LDLRAD4: variants seen among roughly 807,000 people sequenced by gnomAD.
LDLRAD4 encodes low-density lipoprotein receptor class A domain-containing protein 4.
In LDLRAD4, 5 loss-of-function variants were observed where a neutral mutation model predicts 17.0. That is an observed-to-expected ratio of 0.29 (90% CI 0.15 to 0.62). The LOEUF (loss-of-function observed/expected upper bound fraction) is 0.62. LDLRAD4 is among the 20% of genes least tolerant of loss of function. LDLRAD4 has a pLI of 0.84. For synonymous variants in LDLRAD4, 168 were observed against 171.8 expected, an observed-to-expected ratio of 0.98 and a Z score of 0.17; for missense variants, 340 against 424.7, an observed-to-expected ratio of 0.80 and a Z score of 1.75.
chr18:13,565,454 G>A (rs936672440), intron 3 of LDLRAD4, among the ~76,000 whole-genome samples: 3 of 152,248 alleles, frequency 2.0e-5, no homozygotes, highest in East Asian at 1.9e-4. Flanking sequence ...ACAAAGGGGC[G>A]CTGCGGTCCT....
chr18:13,545,638 C>T (rs997706152), intron 3 of LDLRAD4, among the ~76,000 whole-genome samples: 6 of 152,114 alleles, frequency 3.9e-5, no homozygotes, highest in South Asian at 2.1e-4. Context: ...ATGAGCAGTG[C>T]GGTTTCTTAG....
chr18:13,223,656 C>T (rs1162878828), intron 1 of LDLRAD4, among the ~76,000 whole-genome samples: 1 of 152,198 alleles, frequency 6.6e-6, no homozygotes, highest in African/African-American at 2.4e-5. Context: ...CGAAGGGCTC[C>T]CTGACCTCTA....
At chr18:13,578,827 C>CTTTTTTTT (rs1003295658) in intron 3 of LDLRAD4, among the ~76,000 whole-genome samples, 2,803 of 65,690 alleles carry the variant, frequency 0.043, 769 homozygotes, top group African/African-American at 0.064. Flanking sequence ...TTGTCCGGGT[C>CTTTTTTTT]TTTTTTTTTT....
chr18:13,583,923 G>T (rs941812954), intron 3 of LDLRAD4, among the ~76,000 whole-genome samples: 1 of 152,116 alleles, frequency 6.6e-6, no homozygotes. Context: ...GGGTCACCTC[G>T]CCCTGCTCCC....
chr18:13,548,616 C>T (rs554080774), intron 3 of LDLRAD4, among the ~76,000 whole-genome samples: 1 of 152,246 alleles, frequency 6.6e-6, no homozygotes, highest in East Asian at 1.9e-4. Context: ...TGGGAGCAGG[C>T]ACTTCCAAGC....
intron 3 of LDLRAD4, among the ~76,000 whole-genome samples, chr18:13,535,186 T>C (rs567621172): frequency 1.3e-5 from 2 of 152,336 alleles, no homozygotes; most frequent in South Asian, 4.1e-4. Context: ...TTTTCTTTGT[T>C]AAATACCTGA....
At chr18:13,450,866 T>C (rs2091789975) in intron 3 of LDLRAD4, among the ~76,000 whole-genome samples, 1 of 152,078 alleles carries the variant, frequency 6.6e-6, no homozygotes, top group African/African-American at 2.4e-5. Flanking sequence ...CATAGGCTTG[T>C]CATGGAAGCT....
exon 6 of LDLRAD4, chr18:13,648,091 G>T (rs1411216402): frequency 6.6e-6 from 1 of 152,228 alleles, no homozygotes; most frequent in African/African-American, 2.4e-5. Flanking sequence ...CATCATTTCA[G>T]TTCTCACCTG....
chr18:13,305,537 A>G (rs958281217), intron 1 of LDLRAD4, among the ~76,000 whole-genome samples: 4 of 152,214 alleles, frequency 2.6e-5, no homozygotes, highest in African/African-American at 9.7e-5. Flanking sequence ...TTCCTGCAAT[A>G]CCATAAGCCT....
intron 3 of LDLRAD4, among the ~76,000 whole-genome samples, chr18:13,619,978 T>C (rs987769638): frequency 2.0e-5 from 3 of 151,382 alleles, no homozygotes; most frequent in Non-Finnish European, 4.4e-5. Flanking sequence ...GTCCCTAGGG[T>C]GTGGGGGTCT....
intron 3 of LDLRAD4, among the ~76,000 whole-genome samples, chr18:13,620,335 G>T (rs570812350): frequency 1.3e-5 from 2 of 152,168 alleles, no homozygotes; most frequent in Admixed American, 1.3e-4. Flanking sequence ...TAGCATCCCC[G>T]AGCCCCTTGC....
chr18:13,252,863 C>A (rs4797754), intron 1 of LDLRAD4, among the ~76,000 whole-genome samples: 3 of 152,148 alleles, frequency 2.0e-5, no homozygotes, highest in African/African-American at 7.2e-5. Flanking sequence ...TGCGCTGTTC[C>A]TAGAATAGTG....
At chr18:13,322,079 C>T (rs927949435) in intron 1 of LDLRAD4, among the ~76,000 whole-genome samples, 3 of 150,960 alleles carry the variant, frequency 2.0e-5, no homozygotes, top group African/African-American at 7.3e-5. Context: ...AAAACTTTAT[C>T]CTAAGAAAAA....
At chr18:13,641,562 A>C (rs1009576409) in intron 4 of LDLRAD4, among the ~76,000 whole-genome samples, 3 of 152,258 alleles carry the variant, frequency 2.0e-5, no homozygotes, top group African/African-American at 7.2e-5. Flanking sequence ...CCAGACACTC[A>C]GTGCTGCAGA....
intron 3 of LDLRAD4, among the ~76,000 whole-genome samples, chr18:13,469,438 T>C (rs1346958366): frequency 6.6e-6 from 1 of 152,232 alleles, no homozygotes; most frequent in Non-Finnish European, 1.5e-5. Context: ...GTACCCACTG[T>C]TCATTACAGC....
chr18:13,321,008 C>G (rs1244529867), intron 1 of LDLRAD4, among the ~76,000 whole-genome samples: 1 of 152,166 alleles, frequency 6.6e-6, no homozygotes, highest in Admixed American at 6.5e-5. Flanking sequence ...TCAGTGAGCC[C>G]TAGTGAGTTC....
intron 4 of LDLRAD4, 38 bp from the exon 6 acceptor site, chr18:13,643,321 C>T (rs778419505): frequency 1.4e-6 from 2 of 1,379,414 alleles, no homozygotes; most frequent in Admixed American, 4.5e-5. Flanking sequence ...TCCTCTGTTT[C>T]TTGTTCCCCC....
chr18:13,298,354 C>T (rs1352246032), intron 1 of LDLRAD4, among the ~76,000 whole-genome samples: 1 of 146,072 alleles, frequency 6.8e-6, no homozygotes, highest in Admixed American at 6.8e-5. Flanking sequence ...GCTCTAGGCA[C>T]AGTGGTGGAG....
chr18:13,499,981 G>A (rs1397884253), intron 3 of LDLRAD4, among the ~76,000 whole-genome samples: 1 of 152,162 alleles, frequency 6.6e-6, no homozygotes, highest in African/African-American at 2.4e-5. Flanking sequence ...CTCCTCTCCA[G>A]AGTGTTACCT....
Sources: gnomAD v4.1 joint callset for allele counts (sites outside exome capture counted in the v4.1 genomes callset) on GRCh38, gnomAD v4.1.1 for gene constraint, MANE v1.5 for transcripts, NCBI Gene and HGNC (gene_info 2026-07-23, HGNC 2026-07-21) for gene names.